ZNF496: variants seen among roughly 807,000 people sequenced by gnomAD.
ZNF496 encodes the protein zinc finger protein 496, also known as NSD1 (nuclear receptor binding SET-domain containing 1)-interacting zinc finger protein 1.
Under a neutral mutation model 58.9 loss-of-function variants are expected in ZNF496, and 11 were observed. The observed-to-expected ratio is 0.19, with a 90% CI of 0.12 to 0.31. ZNF496 has a LOEUF of 0.31. ZNF496 is among the 10% of genes least tolerant of loss of function. ZNF496 has a pLI of 1.00. For synonymous variants in ZNF496, 338 were observed against 318.2 expected, an observed-to-expected ratio of 1.06 and a Z score of -0.66; for missense variants, 660 against 783.0, an observed-to-expected ratio of 0.84 and a Z score of 1.88.
rs942967156 is a variant in ZNF496 at position 247,300,569 on chromosome 1, C to T, written c.1714G>A (p.Glu572Lys). The T allele has an allele frequency of 1.9e-6, 3 of 1,612,470 alleles. No individual in the cohort carries two copies. The highest frequency in any genetic ancestry group is 1.3e-5 in the African/African-American group (1 of 74,894). Residue 572 changes from glutamate to lysine, a missense_variant, in exon 10 of 10, where the codon GAG (glutamate) becomes AAG (lysine). Physicochemically the swap from Glu to Lys is moderately conservative, Grantham distance 56. Coordinates refer to ENST00000682384, the MANE Select transcript of ZNF496 (RefSeq NM_032752.3). The surrounding 1 kb of genome is among the most constrained non-coding windows in gnomAD (Gnocchi z 5.7). ...FTQNYDLLRH[E>K]RLHMKRRSKQ... ...GAACGGCGCTTCATGTGCAGGCGCT[C>T]GTGGCGGAGGAGGTCATAGTTCTGC...
chr1:247,320,422 G>A (rs542473709), intron 6 of ZNF496, among the ~76,000 whole-genome samples: 1 of 152,180 alleles, frequency 6.6e-6, no homozygotes, highest in Non-Finnish European at 1.5e-5. Context: ...TTCTTGAAAT[G>A]AAATGACATC....
chr1:247,307,002 C>G (rs964135875), intron 9 of ZNF496: 1 of 767,914 alleles, frequency 1.3e-6, no homozygotes, highest in Admixed American at 6.3e-5. Flanking sequence ...ATAAAGAAAA[C>G]AAGTATGAGT....
Position 247,309,545 on chromosome 1 carries a change from G to C in ZNF496, c.892+154C>G, listed in dbSNP as rs12116560. On this transcript the variant is annotated intron_variant, in intron 8 of 9. Transcript: ENST00000682384. The surrounding 1 kb of genome is among the most constrained non-coding windows in gnomAD (Gnocchi z 4.3). ...CCTCCATTCTTTCTATGAAAAGTCA[G>C]GGACAAGGCAAGACATGCAAGACCC... The C allele has an allele frequency of 7.6e-3, 10,826 of 1,425,260 alleles. 54 individuals are homozygous for C. The highest frequency in any genetic ancestry group is 9.1e-3 in the Non-Finnish European group (9,973 of 1,092,230). The allele number at this position is 1,425,260 out of a possible 1,614,324, so 88.3% of individuals were successfully genotyped here.
At position 247,316,135 on chromosome 1, in the gene ZNF496, GGTGTGTGT is replaced by G. The variant is rs148003455; in HGVS notation, c.652-5687_652-5680del. Among the ~76,000 whole-genome samples the G allele has an allele frequency of 7.3e-3, 1,019 of 139,904 alleles. 6 individuals are homozygous for G. The highest frequency in any genetic ancestry group is 0.013 in the African/African-American group (491 of 37,726). 91.8% of individuals were successfully genotyped at this position (139,904 alleles called of 152,430 possible). A position where few individuals can be genotyped will look rare whatever the true frequency, so the allele number is the denominator to read the frequency against. On this transcript the variant is annotated intron_variant, in intron 6 of 9. Coordinates refer to ENST00000682384, the MANE Select transcript of ZNF496 (RefSeq NM_032752.3). ...CTCTGACACGACTTCCTGGGAGAGG[GGTGTGTGT>G]GTGTGTGTGTGTGTGTGTGTGTGTG...
chr1:247,308,448 A>G lies in ZNF496; in HGVS notation c.1006+27T>C, dbSNP rs1236005402. 3.1e-6 allele frequency: 5 copies of G among 1,602,820 alleles called. No individual in the cohort carries two copies. In the African/African-American group the frequency reaches 5.3e-5, roughly 17 times the overall value. On this transcript the variant is annotated intron_variant, in intron 9 of 9. Coordinates refer to ENST00000682384, the MANE Select transcript of ZNF496 (RefSeq NM_032752.3). The surrounding 1 kb of genome is among the most constrained non-coding windows in gnomAD (Gnocchi z 4.5). ...ACACACCACAGACACACAGGGACAA[A>G]CCCATACCTCCCTGACCCTTCTTTA...
At chr1:247,319,727 A>G (rs1202739016) in intron 6 of ZNF496, among the ~76,000 whole-genome samples, 1 of 152,184 alleles carries the variant, frequency 6.6e-6, no homozygotes, top group Non-Finnish European at 1.5e-5. Flanking sequence ...GTTCAAGACC[A>G]GCCTGGCCAA....
intron 6 of ZNF496, chr1:247,311,221 TA>T (rs1411167736): frequency 1.4e-4 from 21 of 152,014 alleles, no homozygotes; most frequent in Admixed American, 1.4e-3. Context: ...CCAATACGGT[TA>T]AACCTCATCT....
intron 9 of ZNF496, among the ~76,000 whole-genome samples, chr1:247,303,849 G>C (rs1175861225): frequency 1.3e-5 from 2 of 152,182 alleles, no homozygotes; most frequent in African/African-American, 4.8e-5. Context: ...GAGACACCAA[G>C]AGTGTGGCTG....
Position 247,310,333 on chromosome 1 carries a change from T to G in ZNF496, c.775A>C (p.Met259Leu). Residue 259 changes from methionine (M) to leucine (L), a missense_variant, in exon 7 of 10, where the codon ATG (methionine) becomes CTG (leucine). Physicochemically the swap from Met to Leu is conservative, Grantham distance 15. Transcript: ENST00000682384. ...FIIGEDYGVS[M>L]PPNDLAAQPD... ...GGAAGTTAAGTCTTACTTGGAGGCA[T>G]TGAGACCCCGTAATCCTCCCCAATG... The G allele has an allele frequency of 1.2e-6, 2 of 1,614,178 alleles. No homozygotes were observed. Among genetic ancestry groups the G allele is most frequent in the South Asian group, 2.2e-5 (2 of 91,086 alleles).
intron 1 of ZNF496, 37 bp downstream of exon 1, chr1:247,331,753 G>C (rs1660336602): frequency 1.3e-5 from 2 of 149,782 alleles, no homozygotes; most frequent in African/African-American, 4.9e-5. Context: ...CGAGGAGGGC[G>C]GGGCGGGGCC....
chr1:247,301,257 A>G lies in ZNF496; in HGVS notation c.1026T>C (p.Ser342=), dbSNP rs1016925124. ...CTTCTTCATCCAGGCTGTTCTCTAG[A>G]GATCGCGGGTTGCCGCCAGCTACAG... ...NTYPAGGNPR[S]LENSLDEEVT... is the part of the protein sequence containing the mutation. The change falls in exon 10 of 10, where the codon TCT becomes TCC. Residue 342 remains serine, a synonymous_variant. Transcript: ENST00000682384. The G allele has an allele frequency of 2.0e-6, 3 of 1,514,700 alleles. No individual in the cohort carries two copies. The highest frequency in any genetic ancestry group is 2.2e-5 in the Admixed American group (1 of 44,858). 93.8% of individuals were successfully genotyped at this position (1,514,700 alleles called of 1,614,324 possible).
At chr1:247,323,643 G>A (rs1647012993) in intron 5 of ZNF496, among the ~76,000 whole-genome samples, 1 of 152,114 alleles carries the variant, frequency 6.6e-6, no homozygotes, top group Non-Finnish European at 1.5e-5. Flanking sequence ...TCAGCCGTGT[G>A]TGGTGGTACA....
At position 247,309,925 on chromosome 1, in the gene ZNF496, G is replaced by C; in HGVS notation, c.785-119C>G. 1 of 1,371,996 alleles carries C rather than the reference G, an allele frequency of 7.3e-7. No homozygotes were observed. The highest frequency in any genetic ancestry group is 9.8e-7 in the Non-Finnish European group (1 of 1,016,332). 85.0% of individuals were successfully genotyped at this position (1,371,996 alleles called of 1,614,324 possible). A position where few individuals can be genotyped will look rare whatever the true frequency, so the allele number is the denominator to read the frequency against. ...CAGCGGGCATGGCACCATCAGGGGC[G>C]AGAAGTGAAAAGGCCAGAGCTGGCA... On this transcript the variant is annotated intron_variant, in intron 7 of 9. Transcript: ENST00000682384. The surrounding 1 kb of genome is among the most constrained non-coding windows in gnomAD (Gnocchi z 4.3).
intron 2 of ZNF496, among the ~76,000 whole-genome samples, chr1:247,330,611 T>C (rs912068139): frequency 2.6e-5 from 4 of 152,330 alleles, no homozygotes; most frequent in East Asian, 3.9e-4. Context: ...GCAACCAGTA[T>C]ACCTGGTGTT....
At chr1:247,304,653 C>T (rs879449078) in intron 9 of ZNF496, among the ~76,000 whole-genome samples, 17 of 151,990 alleles carry the variant, frequency 1.1e-4, no homozygotes, top group Non-Finnish European at 1.9e-4. Context: ...ATTATAGGCA[C>T]GAGCCACACC....
intron 6 of ZNF496, chr1:247,311,246 A>G: frequency 6.6e-6 from 1 of 152,138 alleles, no homozygotes; most frequent in Non-Finnish European, 1.5e-5. Flanking sequence ...CCAAAAATAC[A>G]AAAAGCAGCC....
intron 5 of ZNF496, among the ~76,000 whole-genome samples, chr1:247,325,233 G>A (rs1390837381): frequency 6.6e-6 from 1 of 152,226 alleles, no homozygotes; most frequent in Non-Finnish European, 1.5e-5. Context: ...CATTCTAGGG[G>A]TCTCAGTGGA....
At chr1:247,307,831 A>G (rs1054879551) in intron 9 of ZNF496, 3 of 985,294 alleles carry the variant, frequency 3.0e-6, no homozygotes. Flanking sequence ...GAGAAGAGAA[A>G]GATGGCAGTA....
rs750086483 is a variant in ZNF496 at position 247,326,016 on chromosome 1, G to GTATA, written c.574+2663_574+2666dup. 7.0e-5 allele frequency among the ~76,000 whole-genome samples: 10 copies of GTATA among 143,658 alleles called. No homozygotes were observed. In the South Asian group the frequency reaches 9.0e-4, roughly 13 times the overall value. 94.2% of individuals were successfully genotyped at this position (143,658 alleles called of 152,430 possible). A position where few individuals can be genotyped will look rare whatever the true frequency, so the allele number is the denominator to read the frequency against. On this transcript the variant is annotated intron_variant, in intron 5 of 9. Transcript: ENST00000682384. ...AACACTTTGGGAGGCTGAGACATAT[G>GTATA]TATATATATATATACACACGCATAT...
Sources: gnomAD v4.1 joint callset for allele counts (sites outside exome capture counted in the v4.1 genomes callset) on GRCh38, gnomAD v4.1.1 for gene constraint, Gnocchi (gnomAD v3.1) non-coding constraint, MANE v1.5 for transcripts, NCBI Gene and HGNC (gene_info 2026-07-23, HGNC 2026-07-21) for gene names.